The following BACH2 variants were observed in gnomAD, a reference collection of about 807,000 sequenced individuals.
BACH2 encodes the protein BACH transcriptional regulator 2, also known as transcription regulator protein BACH2.
In BACH2, 5 loss-of-function variants were observed where a neutral mutation model predicts 61.8. The observed-to-expected ratio is 0.08, with a 90% CI of 0.04 to 0.17. The LOEUF is 0.17. Ranked by LOEUF, BACH2 falls within the 10% of genes least tolerant of loss-of-function variation. BACH2 has a pLI of 1.00. For synonymous variants in BACH2, 446 were observed against 440.1 expected, an observed-to-expected ratio of 1.01 and a Z score of -0.17; for missense variants, 824 against 1,091.1, an observed-to-expected ratio of 0.76 and a Z score of 3.45.
At chr6:89,968,617 G>A (rs1343502143) in intron 6 of BACH2, among the ~76,000 whole-genome samples, 1 of 152,190 alleles carries the variant, frequency 6.6e-6, no homozygotes. Context: ...GAGGCATTTT[G>A]CATAAATGTT....
chr6:90,126,016 AC>A lies in BACH2; in HGVS notation c.-161-36908del, dbSNP rs1184703951. Among the ~76,000 whole-genome samples the A allele has an allele frequency of 6.6e-5, 10 of 152,314 alleles. No homozygotes were observed. The East Asian group carries it at 1.9e-3, about 29-fold the overall frequency. The stretch of plus-strand genomic sequence containing the variant: ...GGCCAGGAGGGCCGGCTGCAGGGAA[AC>A]AGAGGAAAGCGTGGAGAGAGAAAGT... On this transcript the variant is annotated intron_variant, in intron 4 of 8. Transcript: ENST00000257749.
At chr6:89,984,817 G>T (rs534517868) in intron 6 of BACH2, among the ~76,000 whole-genome samples, 1 of 152,226 alleles carries the variant, frequency 6.6e-6, no homozygotes, top group Non-Finnish European at 1.5e-5. Flanking sequence ...AAAGAAACTT[G>T]TCCTAAGCAA....
At chr6:90,092,291 A>AAAAAAAAAAAAAAAATATATATAT in intron 4 of BACH2, among the ~76,000 whole-genome samples, 6 of 113,824 alleles carry the variant, frequency 5.3e-5, no homozygotes, top group African/African-American at 2.2e-4. Context: ...AAAAAAAAAA[A>AAAAAAAAAAAAAAAATATATATAT]ATATATATAT....
At chr6:90,206,500 A>C (rs1769151473) in intron 4 of BACH2, 69 bp downstream of exon 4, 1 of 152,364 alleles carries the variant, frequency 6.6e-6, no homozygotes, top group African/African-American at 2.4e-5. Flanking sequence ...ATGGAAAGAC[A>C]TATGTACTCC....
At chr6:90,072,331 C>G (rs1442910531) in intron 5 of BACH2, among the ~76,000 whole-genome samples, 1 of 152,134 alleles carries the variant, frequency 6.6e-6, no homozygotes, top group Non-Finnish European at 1.5e-5. Flanking sequence ...CAAAAGGCAG[C>G]CAAAGGTCAC....
In BACH2 at chr6:89,942,631, C is replaced by T. The variant is rs552095172; in HGVS notation, c.1837-4281G>A. ...CCCACTAGTTATACTCAGCCACCCA[C>T]ACACAGCTCCGGACACACAGGCTGC... On this transcript the variant is annotated intron_variant, in intron 7 of 8. Coordinates refer to ENST00000257749, the MANE Select transcript of BACH2 (RefSeq NM_021813.4). 1.5e-4 allele frequency among the ~76,000 whole-genome samples: 23 copies of T among 152,304 alleles called. No homozygotes were observed. The South Asian group carries it at 4.6e-3, about 30-fold the overall frequency.
intron 5 of BACH2, among the ~76,000 whole-genome samples, chr6:90,087,712 C>T (rs1781995214): frequency 6.7e-6 from 1 of 150,188 alleles, no homozygotes; most frequent in Admixed American, 6.6e-5. Flanking sequence ...GGTGTGCTTC[C>T]CTTCCCATGT....
At chr6:90,047,678 T>C (rs1779853700) in intron 5 of BACH2, among the ~76,000 whole-genome samples, 1 of 152,174 alleles carries the variant, frequency 6.6e-6, no homozygotes, top group Admixed American at 6.5e-5. Context: ...GTTAAGTTAG[T>C]GGATAATTGT....
At chr6:90,182,336 A>C (rs1041891828) in intron 4 of BACH2, among the ~76,000 whole-genome samples, 1 of 152,096 alleles carries the variant, frequency 6.6e-6, no homozygotes, top group Non-Finnish European at 1.5e-5. Context: ...TCTATCTGGA[A>C]TGTCCTTCAT....
At chr6:90,221,603 A>C (rs752059123) in intron 3 of BACH2, among the ~76,000 whole-genome samples, 2 of 152,216 alleles carry the variant, frequency 1.3e-5, no homozygotes, top group Non-Finnish European at 2.9e-5. Flanking sequence ...CAGAACAGCA[A>C]GACAAATGCA....
At chr6:90,010,147 A>G (rs1434900435) in intron 5 of BACH2, among the ~76,000 whole-genome samples, 1 of 152,178 alleles carries the variant, frequency 6.6e-6, no homozygotes, top group Non-Finnish European at 1.5e-5. Flanking sequence ...GAGCAATTTG[A>G]TGTTTTGATT....
intron 5 of BACH2, among the ~76,000 whole-genome samples, chr6:90,028,364 A>G (rs1330304643): frequency 6.6e-6 from 1 of 152,230 alleles, no homozygotes; most frequent in African/African-American, 2.4e-5. Context: ...ACATTTCCTA[A>G]AAGATTCCAT....
At chr6:90,228,586 T>A (rs1769990400) in intron 3 of BACH2, among the ~76,000 whole-genome samples, 2 of 152,078 alleles carry the variant, frequency 1.3e-5, no homozygotes, top group Admixed American at 1.3e-4. Flanking sequence ...TTGTCTCTAC[T>A]AAAATTACAA....
chr6:90,201,430 G>T (rs1768953196), intron 4 of BACH2, among the ~76,000 whole-genome samples: 1 of 152,100 alleles, frequency 6.6e-6, no homozygotes, highest in African/African-American at 2.4e-5. Context: ...GATTGCTGTT[G>T]AGGTTGAACA....
intron 4 of BACH2, among the ~76,000 whole-genome samples, chr6:90,158,413 G>A (rs1249677848): frequency 2.6e-5 from 4 of 151,594 alleles, no homozygotes; most frequent in Admixed American, 2.6e-4. Flanking sequence ...CTATCTCATC[G>A]AGAAGAAAGG....
chr6:90,234,875 G>C (rs1378537315), intron 3 of BACH2, among the ~76,000 whole-genome samples: 1 of 152,132 alleles, frequency 6.6e-6, no homozygotes, highest in Non-Finnish European at 1.5e-5. Flanking sequence ...TCCCACCTTT[G>C]GCACTCACTA....
intron 5 of BACH2, among the ~76,000 whole-genome samples, chr6:90,049,827 T>C (rs561333220): frequency 6.6e-6 from 1 of 152,190 alleles, no homozygotes; most frequent in Non-Finnish European, 1.5e-5. Flanking sequence ...CAAAGTAAGA[T>C]TGTCATCCCA....
intron 2 of BACH2, among the ~76,000 whole-genome samples, chr6:90,254,653 G>A (rs1333546824): frequency 6.6e-6 from 1 of 151,970 alleles, no homozygotes; most frequent in Non-Finnish European, 1.5e-5. Flanking sequence ...ATATTTAAGA[G>A]ACATTTCCTC....
intron 5 of BACH2, among the ~76,000 whole-genome samples, chr6:90,086,357 T>C (rs919892999): frequency 5.3e-5 from 8 of 152,150 alleles, no homozygotes; most frequent in African/African-American, 1.9e-4. Flanking sequence ...TACCCAGAAG[T>C]GGAATTGCTG....
Sources: allele counts gnomAD v4.1 joint callset (sites outside exome capture counted in the v4.1 genomes callset), GRCh38; gene constraint gnomAD v4.1.1; transcripts MANE v1.5; gene names NCBI Gene and HGNC (gene_info 2026-07-23, HGNC 2026-07-21).